Variants in PXK observed in about 807,000 individuals in gnomAD.
PXK encodes the protein PX domain-containing protein kinase-like protein.
In PXK, 35 loss-of-function variants were observed where a neutral mutation model predicts 84.7. The observed-to-expected ratio is 0.41, with a 90% CI of 0.32 to 0.55. The LOEUF (loss-of-function observed/expected upper bound fraction) is 0.55, where lower values mean the gene tolerates loss of function less well. Among genes scored for constraint, PXK ranks in the 20% least tolerant of loss-of-function variants. The pLI is 0.21. For synonymous variants in PXK, 253 were observed against 260.8 expected (o/e 0.97, Z 0.29); for missense variants, 634 against 699.7 (o/e 0.91, Z 1.06).
chr3:58,349,760 A>G (rs947427074), intron 1 of PXK, among the ~76,000 whole-genome samples: 3 of 152,248 alleles, frequency 2.0e-5, no homozygotes, highest in Admixed American at 6.5e-5. Flanking sequence ...CTAAAAATTC[A>G]GTCCCTTCGT....
chr3:58,341,831 G>A (rs570054558), intron 1 of PXK, among the ~76,000 whole-genome samples: 6 of 151,740 alleles, frequency 4.0e-5, no homozygotes, highest in African/African-American at 1.2e-4. Flanking sequence ...AGCCTCCTGC[G>A]TAGCTGGGAC....
At chr3:58,419,587 A>AGGTGGAG (rs1553834865) in intron 17 of PXK, among the ~76,000 whole-genome samples, 1 of 152,232 alleles carries the variant, frequency 6.6e-6, no homozygotes, top group East Asian at 1.9e-4. Context: ...TTACACAGAA[A>AGGTGGAG]GGTGGAGGGA....
At chr3:58,372,986 T>C (rs2098398533) in intron 3 of PXK, among the ~76,000 whole-genome samples, 1 of 151,854 alleles carries the variant, frequency 6.6e-6, no homozygotes, top group Non-Finnish European at 1.5e-5. Flanking sequence ...TGTTGGGAAC[T>C]GGGCAGAGAG....
In PXK at chr3:58,336,089, T is replaced by A. The variant is rs1371653436; in HGVS notation, c.102+2999T>A. On this transcript the variant is annotated intron_variant, in intron 1 of 17. Transcript: ENST00000356151. ...TATATATATTTTTTTTTTTTTTTTT[T>A]AATACCAATGGGGTTCTTGCTGTGT... is the stretch of plus-strand genomic sequence containing the variant. Among the ~76,000 whole-genome samples, 28 of 120,054 alleles carry A rather than the reference T, an allele frequency of 2.3e-4. 1 individual carries two copies. Among genetic ancestry groups the A allele is most frequent in the Middle Eastern group, 4.2e-3 (1 of 238 alleles). The allele number at this position is 120,054 out of a possible 152,430, so 78.8% of individuals were successfully genotyped here.
At position 58,385,865 on chromosome 3, in the gene PXK, C is replaced by A. The variant is rs115628620; in HGVS notation, c.388+3165C>A. On this transcript the variant is annotated intron_variant, in intron 4 of 17. Transcript: ENST00000356151. This position sits in a 1 kb window ranked among gnomAD's most constrained non-coding sequence, Gnocchi z 5.1. ...CATTTTCCACATGGTCTGCAGTCACCACCCAGCTTCATTTCAGCAGGATTT... is the reference window on the plus strand; with the variant it reads ...CATTTTCCACATGGTCTGCAGTCACAACCCAGCTTCATTTCAGCAGGATTT... Among the ~76,000 whole-genome samples the A allele has an allele frequency of 0.018, 2,802 of 152,254 alleles. 100 individuals are homozygous for A. The highest frequency in any genetic ancestry group is 0.064 in the African/African-American group (2,643 of 41,522).
At chr3:58,378,816 G>A (rs1252027801) in intron 3 of PXK, among the ~76,000 whole-genome samples, 2 of 151,936 alleles carry the variant, frequency 1.3e-5, no homozygotes, top group Non-Finnish European at 2.9e-5. Context: ...GATTACAGGC[G>A]TGAGCCACCG....
chr3:58,353,100 C>T (rs1001208538), intron 1 of PXK, among the ~76,000 whole-genome samples: 4 of 152,038 alleles, frequency 2.6e-5, no homozygotes, highest in Admixed American at 1.3e-4. Flanking sequence ...GGATTCACGC[C>T]GTTCTCCTGC....
At chr3:58,403,533 G>A (rs908553943) in intron 12 of PXK, among the ~76,000 whole-genome samples, 2 of 152,020 alleles carry the variant, frequency 1.3e-5, no homozygotes, top group African/African-American at 2.4e-5. Context: ...AATATCTACC[G>A]CATATATTAT....
intron 9 of PXK, among the ~76,000 whole-genome samples, chr3:58,396,726 A>G (rs1263905187): frequency 1.3e-5 from 2 of 152,354 alleles, no homozygotes; most frequent in African/African-American, 4.8e-5. Flanking sequence ...GAGCTGGCCT[A>G]TTGGAATCAG....
chr3:58,381,165 G>A (rs2098497480), intron 3 of PXK, among the ~76,000 whole-genome samples: 4 of 151,596 alleles, frequency 2.6e-5, no homozygotes, highest in Non-Finnish European at 4.4e-5. Context: ...AGGAGAATGG[G>A]GTGAACCCAG....
intron 1 of PXK, among the ~76,000 whole-genome samples, chr3:58,353,466 A>G (rs2097986603): frequency 6.6e-6 from 1 of 152,196 alleles, no homozygotes; most frequent in African/African-American, 2.4e-5. Flanking sequence ...ATATTATTAG[A>G]TTGCAGAAAA....
In PXK at chr3:58,423,378, A is replaced by G. The variant is rs2107850360; in HGVS notation, c.1529-1374A>G. The stretch of plus-strand genomic sequence containing the variant: ...ACATGTTGGTCATTTGTCTGTATTT[A>G]GTCTTTATTTGTATTGCTATCTTTG... On this transcript the variant is annotated intron_variant, in intron 17 of 17. Transcript: ENST00000356151. 3 of 1,492,840 alleles carry G rather than the reference A, an allele frequency of 2.0e-6. No individual in the cohort carries two copies. The East Asian group carries it at 7.4e-5, about 37-fold the overall frequency. 92.5% of individuals were successfully genotyped at this position (1,492,840 alleles called of 1,614,324 possible).
At chr3:58,368,784 A>C (rs1218153667) in intron 2 of PXK, among the ~76,000 whole-genome samples, 8 of 152,262 alleles carry the variant, frequency 5.3e-5, no homozygotes, top group African/African-American at 1.9e-4. Flanking sequence ...GTTAAAGTCA[A>C]ACTATTCAAA....
At chr3:58,371,115 A>G (rs2098363982) in intron 3 of PXK, among the ~76,000 whole-genome samples, 1 of 152,220 alleles carries the variant, frequency 6.6e-6, no homozygotes, top group Non-Finnish European at 1.5e-5. Context: ...AAGGGGCCTG[A>G]GTATCTGCAG....
At chr3:58,378,522 G>T (rs1489371752) in intron 3 of PXK, among the ~76,000 whole-genome samples, 63 of 42,158 alleles carry the variant, frequency 1.5e-3, no homozygotes, top group East Asian at 2.4e-3. Flanking sequence ...TTGTGTGTGT[G>T]TGTGTGTGTG....
At chr3:58,418,042 C>T (rs1424647075) in intron 17 of PXK, among the ~76,000 whole-genome samples, 1 of 152,150 alleles carries the variant, frequency 6.6e-6, no homozygotes, top group Non-Finnish European at 1.5e-5. Flanking sequence ...TAGTCTTGAG[C>T]TCTGGGGCTC....
chr3:58,395,475 A>C (rs1387973366), intron 8 of PXK, among the ~76,000 whole-genome samples, 183 bp from the exon 9 acceptor site: 1 of 152,184 alleles, frequency 6.6e-6, no homozygotes, highest in Non-Finnish European at 1.5e-5. Flanking sequence ...TAGAGAAGGG[A>C]TGGAACCTGG....
chr3:58,420,803 A>T, intron 17 of PXK: 1 of 1,361,982 alleles, frequency 7.3e-7, no homozygotes, highest in Non-Finnish European at 9.4e-7. Flanking sequence ...TTTCACTCTG[A>T]TTTCAGTTTT....
Position 58,411,079 on chromosome 3 carries a change from T to C in PXK, c.1465+920T>C, listed in dbSNP as rs1351544825. Reference sequence around the variant, plus strand: ...AGCGGTAGGATTTGGTGTGGGCAGGTGAAGAGGCAGAGATGTTTAGAAGGG... The same window carrying C: ...AGCGGTAGGATTTGGTGTGGGCAGGCGAAGAGGCAGAGATGTTTAGAAGGG... On this transcript the variant is annotated intron_variant, in intron 16 of 17. Coordinates refer to ENST00000356151, the MANE Select transcript of PXK (RefSeq NM_017771.5). The surrounding 1 kb of genome is among the most constrained non-coding windows in gnomAD (Gnocchi z 4.2). 6.6e-6 allele frequency among the ~76,000 whole-genome samples: 1 copy of C among 152,162 alleles called. No individual in the cohort carries two copies. The highest frequency in any genetic ancestry group is 2.4e-5 in the African/African-American group (1 of 41,444).
Sources: allele counts gnomAD v4.1 joint callset (sites outside exome capture counted in the v4.1 genomes callset), GRCh38; gene constraint gnomAD v4.1.1; non-coding constraint Gnocchi (gnomAD v3.1); transcripts MANE v1.5; gene names NCBI Gene and HGNC (gene_info 2026-07-23, HGNC 2026-07-21).